APBA1: variants seen among roughly 807,000 people sequenced by gnomAD.
APBA1 encodes amyloid beta precursor protein binding family A member 1.
A neutral mutation model predicts 86.6 loss-of-function variants in APBA1; 55 were observed. The ratio of observed to expected loss-of-function variants is 0.64; its 90% CI spans 0.51 to 0.80. The LOEUF (loss-of-function observed/expected upper bound fraction) is 0.80, where lower values mean the gene tolerates loss of function less well. APBA1 is among the 30% of genes least tolerant of loss of function. APBA1 has a pLI of 0.00. For missense variants in APBA1, 1,090 were observed against 1,183.0 expected (o/e 0.92, Z 1.15); for synonymous variants, 511 against 493.9 (o/e 1.03, Z -0.46).
chr9:69,630,505 G>C (rs1588401848), intron 1 of APBA1, among the ~76,000 whole-genome samples: 1 of 152,106 alleles, frequency 6.6e-6, no homozygotes, highest in East Asian at 1.9e-4. Context: ...ATTTCTCCAA[G>C]GAAGGGTCCA....
intron 5 of APBA1, chr9:69,465,039 A>C (rs1455775432): frequency 1.3e-5 from 2 of 152,222 alleles, no homozygotes; most frequent in African/African-American, 2.4e-5. Context: ...CTGCTGCTTT[A>C]TTCTGGAAGA....
intron 9 of APBA1, among the ~76,000 whole-genome samples, chr9:69,450,972 A>C (rs915709447): frequency 5.9e-5 from 9 of 152,184 alleles, no homozygotes; most frequent in African/African-American, 2.2e-4. Flanking sequence ...AATGCTAACA[A>C]CACCTTGCTT....
chr9:69,449,038 G>A (rs1246432787), intron 10 of APBA1, among the ~76,000 whole-genome samples: 1 of 152,178 alleles, frequency 6.6e-6, no homozygotes, highest in Admixed American at 6.5e-5. Context: ...AAGCTTCCAT[G>A]GACTGGAAGA....
At chr9:69,608,221 A>C (rs946255475) in intron 1 of APBA1, among the ~76,000 whole-genome samples, 2 of 152,202 alleles carry the variant, frequency 1.3e-5, no homozygotes, top group African/African-American at 4.8e-5. Flanking sequence ...CTTAATTACA[A>C]TGATGAACAC....
intron 1 of APBA1, among the ~76,000 whole-genome samples, chr9:69,585,960 T>A (rs987653324): frequency 1.3e-5 from 2 of 152,144 alleles, no homozygotes; most frequent in South Asian, 4.1e-4. Context: ...AGTTGAGCCT[T>A]ATTCTAGACT....
intron 1 of APBA1, among the ~76,000 whole-genome samples, chr9:69,576,786 A>G (rs1175946116): frequency 1.3e-5 from 2 of 152,202 alleles, no homozygotes; most frequent in African/African-American, 4.8e-5. Flanking sequence ...CAGCACACCA[A>G]CATGGCACAT....
chr9:69,530,349 CACACACACAT>C (rs1378215227), intron 1 of APBA1, among the ~76,000 whole-genome samples: 4 of 146,556 alleles, frequency 2.7e-5, no homozygotes, highest in East Asian at 2.0e-4. Context: ...CACACACACA[CACACACACAT>C]GCAACACTAT....
intron 2 of APBA1, among the ~76,000 whole-genome samples, chr9:69,506,212 CACCGTGCGCGA>C (rs1835961257): frequency 6.6e-6 from 1 of 151,780 alleles, no homozygotes; most frequent in Admixed American, 6.6e-5. Flanking sequence ...TGGGTGCGCG[CACCGTGCGCGA>C]GCCAAAGCAG....
At chr9:69,527,891 G>T (rs1345105093) in intron 1 of APBA1, among the ~76,000 whole-genome samples, 1 of 152,024 alleles carries the variant, frequency 6.6e-6, no homozygotes, top group Non-Finnish European at 1.5e-5. Flanking sequence ...ACCTTAAAGG[G>T]TATCATCCAG....
intron 1 of APBA1, among the ~76,000 whole-genome samples, chr9:69,561,481 T>C (rs1261598348): frequency 6.6e-6 from 1 of 152,014 alleles, no homozygotes; most frequent in Non-Finnish European, 1.5e-5. Flanking sequence ...TAACATCAAG[T>C]GGAGAACAAA....
intron 1 of APBA1, among the ~76,000 whole-genome samples, chr9:69,550,000 C>G (rs1836760087): frequency 6.6e-6 from 1 of 152,136 alleles, no homozygotes; most frequent in Non-Finnish European, 1.5e-5. Context: ...GTTTCTGAGA[C>G]TCAGTTTCTA....
At chr9:69,556,331 C>A (rs1008163775) in intron 1 of APBA1, among the ~76,000 whole-genome samples, 1 of 152,086 alleles carries the variant, frequency 6.6e-6, no homozygotes, top group Non-Finnish European at 1.5e-5. Context: ...TTTGTTCAGT[C>A]CACACTAAAG....
chr9:69,490,189 C>T (rs7043094), intron 2 of APBA1, among the ~76,000 whole-genome samples: 22,936 of 151,832 alleles, frequency 0.15, 2,351 homozygotes, highest in East Asian at 0.28. Context: ...ATGGATGAAA[C>T]TGGAAACCAT....
chr9:69,585,322 T>C (rs1400690857), intron 1 of APBA1, among the ~76,000 whole-genome samples: 1 of 152,190 alleles, frequency 6.6e-6, no homozygotes, highest in Non-Finnish European at 1.5e-5. Flanking sequence ...GTGAGTCAAC[T>C]TAGCTACTGA....
rs367726735 is a variant in APBA1 at position 69,535,162 on chromosome 9, C to T, written c.-69-17883G>A. 8.2e-4 allele frequency among the ~76,000 whole-genome samples: 125 copies of T among 152,266 alleles called. No individual in the cohort carries two copies. The South Asian group carries it at 0.026, about 31-fold the overall frequency. ...TGAAATCCTGAAACTCAATAAAGAA[C>T]CATTACTTGATTATGACTATGTAAA... On this transcript the variant is annotated intron_variant, in intron 1 of 12. Transcript: ENST00000265381.
chr9:69,444,803 A>T (rs1834881466), intron 10 of APBA1, among the ~76,000 whole-genome samples: 1 of 152,178 alleles, frequency 6.6e-6, no homozygotes, highest in Non-Finnish European at 1.5e-5. Context: ...ATCACTTGTC[A>T]TGTGCCAAGA....
intron 2 of APBA1, among the ~76,000 whole-genome samples, chr9:69,513,936 C>T (rs1181898456): frequency 2.0e-5 from 3 of 152,170 alleles, no homozygotes; most frequent in African/African-American, 4.8e-5. Flanking sequence ...AAGCTCTTGA[C>T]CCTTATCTTA....
At chr9:69,522,756 T>G (rs1836273956) in intron 1 of APBA1, among the ~76,000 whole-genome samples, 1 of 152,208 alleles carries the variant, frequency 6.6e-6, no homozygotes, top group Non-Finnish European at 1.5e-5. Flanking sequence ...GTGAGCATCC[T>G]AAGCAAGCTT....
intron 1 of APBA1, among the ~76,000 whole-genome samples, chr9:69,571,197 A>G (rs950667336): frequency 6.6e-6 from 1 of 152,230 alleles, no homozygotes; most frequent in Non-Finnish European, 1.5e-5. Context: ...AAGGGTTGAA[A>G]ATCTTTAAAA....
Sources: gnomAD v4.1 joint callset for allele counts (sites outside exome capture counted in the v4.1 genomes callset) on GRCh38, gnomAD v4.1.1 for gene constraint, MANE v1.5 for transcripts, NCBI Gene and HGNC (gene_info 2026-07-23, HGNC 2026-07-21) for gene names.